Variants in SPAG17 observed in about 807,000 individuals in gnomAD.
SPAG17 encodes the protein sperm-associated antigen 17.
SPAG17 carries 169 observed loss-of-function variants against 273.6 expected under a neutral mutation model. The observed-to-expected ratio is 0.62, with a 90% CI of 0.55 to 0.70. SPAG17 has a LOEUF of 0.70. Ranked by LOEUF, SPAG17 falls within the 30% of genes least tolerant of loss-of-function variation. The pLI is 0.00. For missense variants in SPAG17, 2,557 were observed against 2,627.8 expected (o/e 0.97, Z 0.59); for synonymous variants, 825 against 873.2 (o/e 0.94, Z 0.97).
chr1:118,095,388 G>A (rs1050188582), intron 7 of SPAG17, among the ~76,000 whole-genome samples: 5 of 152,212 alleles, frequency 3.3e-5, no homozygotes, highest in African/African-American at 1.2e-4. Context: ...CCTAGCTAGA[G>A]ATGGAGCAAA....
At chr1:118,120,281 A>AC (rs1272901949) in intron 3 of SPAG17, among the ~76,000 whole-genome samples, 1 of 890 alleles carries the variant, frequency 1.1e-3, no homozygotes, top group Non-Finnish European at 3.8e-3. Flanking sequence ...TGCTAGTGAG[A>AC]TTAAAAAAAA....
At chr1:118,151,819 A>C (rs1274170978) in intron 1 of SPAG17, among the ~76,000 whole-genome samples, 1 of 152,208 alleles carries the variant, frequency 6.6e-6, no homozygotes, top group African/African-American at 2.4e-5. Context: ...GTTGGGTCAT[A>C]TTGGATGAGC....
In SPAG17 at chr1:117,992,661, C is replaced by T. The variant is rs372410445; in HGVS notation, c.5179-13G>A. 1.9e-6 allele frequency: 3 copies of T among 1,562,072 alleles called. No individual in the cohort carries two copies. Among genetic ancestry groups the T allele is most frequent in the Middle Eastern group, 1.8e-4 (1 of 5,452 alleles). On this transcript the variant is annotated splice_polypyrimidine_tract_variant and intron_variant, in intron 35 of 48. Coordinates refer to ENST00000336338, the MANE Select transcript of SPAG17 (RefSeq NM_206996.4). ...CTGGAGTTTTTTTCTGTTAACAAAA[C>T]AAAGCAATAACACCACCAAAGAAAT...
At chr1:118,007,972 C>T (rs1262422518) in intron 31 of SPAG17, 72 bp downstream of exon 31, 1 of 1,579,320 alleles carries the variant, frequency 6.3e-7, no homozygotes, top group Non-Finnish European at 8.7e-7. Context: ...TTTTTACTGC[C>T]CCAGAGAAGT....
chr1:118,011,450 C>A, intron 30 of SPAG17, among the ~76,000 whole-genome samples: 1 of 152,070 alleles, frequency 6.6e-6, no homozygotes, highest in East Asian at 1.9e-4. Context: ...AGGCCATTAC[C>A]CTTAGCAAAC....
chr1:118,146,683 G>A (rs924178948), intron 3 of SPAG17, among the ~76,000 whole-genome samples: 1 of 152,084 alleles, frequency 6.6e-6, no homozygotes. Flanking sequence ...CCTATCCAAG[G>A]GGTAGACCAG....
intron 3 of SPAG17, among the ~76,000 whole-genome samples, chr1:118,133,875 T>C (rs1312822817): frequency 6.6e-6 from 1 of 152,180 alleles, no homozygotes; most frequent in African/African-American, 2.4e-5. Context: ...CCTCCCATTA[T>C]CTCAAGGAGT....
At chr1:118,107,322 G>T (rs1440089210) in intron 4 of SPAG17, among the ~76,000 whole-genome samples, 2 of 151,920 alleles carry the variant, frequency 1.3e-5, no homozygotes, top group Admixed American at 1.3e-4. Flanking sequence ...TCTTTCTCCA[G>T]AGCACTCCAC....
intron 18 of SPAG17, among the ~76,000 whole-genome samples, chr1:118,062,961 G>A (rs898433046): frequency 2.6e-5 from 4 of 152,098 alleles, no homozygotes; most frequent in Non-Finnish European, 5.9e-5. Context: ...ATAGCCAAGT[G>A]TTTAAAATGA....
At chr1:118,156,957 C>A (rs1171494089) in intron 1 of SPAG17, among the ~76,000 whole-genome samples, 3 of 152,112 alleles carry the variant, frequency 2.0e-5, no homozygotes, top group Non-Finnish European at 4.4e-5. Flanking sequence ...CTGACATCTG[C>A]CTCCTGCAGC....
chr1:118,025,337 C>G lies in SPAG17; in HGVS notation c.3810G>C (p.Glu1270Asp). The G allele has an allele frequency of 6.2e-7, 1 of 1,613,518 alleles. No individual in the cohort carries two copies. The highest frequency in any genetic ancestry group is 8.5e-7 in the Non-Finnish European group (1 of 1,179,740). The part of the protein sequence containing the change: ...QSYPQRVKHY[E>D]FYKTVMPPAE... The stretch of plus-strand genomic sequence containing the variant: ...CGGGTGGCATCACCGTTTTATAGAA[C>G]TCATAGTGCTTCACCCTCTGGGGGT... Residue 1270 changes from glutamate to aspartate, a missense_variant, in exon 27 of 49, where the codon GAG becomes GAC. Glu to Asp is a conservative substitution (Grantham distance 45, BLOSUM62 2). Coordinates refer to ENST00000336338, the MANE Select transcript of SPAG17 (RefSeq NM_206996.4).
rs143716190 is a variant in SPAG17 at position 117,957,146 on chromosome 1, G to A, written c.*1-3097C>T. ...TTAAACTCTTTAACGAATTCATTCA[G>A]CTGGGCTCTGATGTTGAACTTATAT... On this transcript the variant is annotated intron_variant, in intron 48 of 48. Coordinates refer to ENST00000336338, the MANE Select transcript of SPAG17 (RefSeq NM_206996.4). 2.1e-4 allele frequency: 342 copies of A among 1,612,462 alleles called. 2 individuals carry two copies. The African/African-American group carries it at 4.1e-3, about 19-fold the overall frequency.
chr1:118,080,760 C>A (rs1891665), intron 15 of SPAG17, among the ~76,000 whole-genome samples: 18 of 151,992 alleles, frequency 1.2e-4, no homozygotes, highest in African/African-American at 3.9e-4. Flanking sequence ...GATTTTGAAC[C>A]AAGCTCTGTA....
At chr1:118,016,262 C>T in intron 28 of SPAG17, 80 bp from the exon 29 acceptor site, 1 of 1,098,502 alleles carries the variant, frequency 9.1e-7, no homozygotes. Flanking sequence ...TGTTTTGACA[C>T]AGTACAAACT....
At chr1:118,100,705 G>A (rs1232981849) in intron 5 of SPAG17, among the ~76,000 whole-genome samples, 2 of 152,176 alleles carry the variant, frequency 1.3e-5, no homozygotes, top group East Asian at 1.9e-4. Context: ...GGTAAAGGAT[G>A]GGAAAGCCCT....
At chr1:118,105,531 G>A (rs1330503783) in intron 4 of SPAG17, among the ~76,000 whole-genome samples, 2 of 152,218 alleles carry the variant, frequency 1.3e-5, no homozygotes, top group South Asian at 2.1e-4. Context: ...GCAGAGAAAC[G>A]ATAATACTGA....
rs772886733 is a variant in SPAG17, at chr1:117,970,151, A to G, written c.6327-35T>C. 5.0e-6 allele frequency: 8 copies of G among 1,591,554 alleles called. No individual in the cohort carries two copies. The African/African-American group carries it at 9.5e-5, about 19-fold the overall frequency. On this transcript the variant is annotated intron_variant, in intron 45 of 48. Transcript: ENST00000336338. ...AGAAAGATAAAAATAAATTTATGAC[A>G]TAATGAAACCCATGAGCAATGAATA...
At chr1:118,098,799 A>G (rs527682664) in intron 6 of SPAG17, among the ~76,000 whole-genome samples, 325 of 152,312 alleles carry the variant, frequency 2.1e-3, no homozygotes, top group African/African-American at 7.5e-3. Flanking sequence ...CCAATATATG[A>G]GACCTATTAG....
chr1:118,041,949 T>G lies in SPAG17; in HGVS notation c.2908A>C (p.Lys970Gln). ...EKKGKEAGKKKGKDNAEKEDS... is the reference protein window; with the variant it reads ...EKKGKEAGKKQGKDNAEKEDS... ...TCTTTCTCTGCGTTATCCTTGCCTTTCTTTTTACCAGCTTCTTTACCCTTC... is the reference window on the plus strand; with the variant it reads ...TCTTTCTCTGCGTTATCCTTGCCTTGCTTTTTACCAGCTTCTTTACCCTTC... The change falls in exon 21 of 49, where the codon AAA becomes CAA. Residue 970 changes from lysine to glutamine, a missense_variant. Physicochemically the swap from Lys to Gln is moderately conservative, Grantham distance 53. Transcript: ENST00000336338. 1 of 1,614,018 alleles carries G rather than the reference T, an allele frequency of 6.2e-7. No homozygotes were observed. The highest frequency in any genetic ancestry group is 1.1e-5 in the South Asian group (1 of 91,076).
Sources: gnomAD v4.1 joint callset for allele counts (sites outside exome capture counted in the v4.1 genomes callset) on GRCh38, gnomAD v4.1.1 for gene constraint, MANE v1.5 for transcripts, NCBI Gene and HGNC (gene_info 2026-07-23, HGNC 2026-07-21) for gene names.